Variants in SH3GL2 observed in about 807,000 individuals in gnomAD.
SH3GL2 encodes the protein endophilin-A1.
In SH3GL2, 24 loss-of-function variants were observed where a neutral mutation model predicts 46.0. That is an observed-to-expected ratio of 0.52 (90% CI 0.38 to 0.73). SH3GL2 has a LOEUF of 0.73. Ranked by LOEUF, SH3GL2 falls within the 30% of genes least tolerant of loss-of-function variation. The pLI is 0.00. For synonymous variants in SH3GL2, 196 were observed against 147.1 expected, an observed-to-expected ratio of 1.33 and a Z score of -2.40; for missense variants, 413 against 424.2, an observed-to-expected ratio of 0.97 and a Z score of 0.23.
At chr9:17,745,396 C>T (rs1021743746) in intron 1 of SH3GL2, among the ~76,000 whole-genome samples, 1 of 152,144 alleles carries the variant, frequency 6.6e-6, no homozygotes, top group African/African-American at 2.4e-5. Flanking sequence ...TTATTGTATA[C>T]CATGTAGGTT....
At chr9:17,745,587 C>G (rs903276964) in intron 1 of SH3GL2, among the ~76,000 whole-genome samples, 1 of 151,994 alleles carries the variant, frequency 6.6e-6, no homozygotes, top group Non-Finnish European at 1.5e-5. Context: ...TGATAGAATT[C>G]CAACTTGTGG....
chr9:17,672,241 G>T lies in SH3GL2; in HGVS notation c.46-74825G>T, dbSNP rs192889352. On this transcript the variant is annotated intron_variant, in intron 1 of 8. Coordinates refer to ENST00000380607, the MANE Select transcript of SH3GL2 (RefSeq NM_003026.5). ...TGTGGTTTGGCAATAGTTAAAATTGGGAGCAGGAAAGGAAAATTTTAGAAA... is the reference window on the plus strand; with the variant it reads ...TGTGGTTTGGCAATAGTTAAAATTGTGAGCAGGAAAGGAAAATTTTAGAAA... 1.6e-3 allele frequency among the ~76,000 whole-genome samples: 245 copies of T among 152,176 alleles called. 1 individual carries two copies. Among genetic ancestry groups the T allele is most frequent in the African/African-American group, 5.7e-3 (236 of 41,530 alleles).
At chr9:17,658,718 T>C (rs1459655700) in intron 1 of SH3GL2, among the ~76,000 whole-genome samples, 1 of 152,210 alleles carries the variant, frequency 6.6e-6, no homozygotes, top group African/African-American at 2.4e-5. Context: ...TACAGAGCTG[T>C]TGGAAATAAA....
chr9:17,642,321 C>T (rs970323528), intron 1 of SH3GL2, among the ~76,000 whole-genome samples: 2 of 152,154 alleles, frequency 1.3e-5, no homozygotes, highest in Non-Finnish European at 2.9e-5. Flanking sequence ...CCTGTTCACT[C>T]TGATGATAGT....
chr9:17,701,788 A>G (rs1379789850), intron 1 of SH3GL2, among the ~76,000 whole-genome samples: 1 of 152,022 alleles, frequency 6.6e-6, no homozygotes, highest in Admixed American at 6.6e-5. Flanking sequence ...CACATGTATG[A>G]TTTTTCCTAG....
At chr9:17,611,068 CAG>C (rs1818855711) in intron 1 of SH3GL2, among the ~76,000 whole-genome samples, 1 of 152,114 alleles carries the variant, frequency 6.6e-6, no homozygotes, top group African/African-American at 2.4e-5. Context: ...TTCATTGTGA[CAG>C]ATTTTGTTTC....
chr9:17,602,780 CA>C (rs1818694802), intron 1 of SH3GL2, among the ~76,000 whole-genome samples: 1 of 92,976 alleles, frequency 1.1e-5, no homozygotes, highest in African/African-American at 2.6e-5. Context: ...GTGAGAATAA[CA>C]AGGACTTCTA....
chr9:17,620,911 AGTC>A (rs1819123307), intron 1 of SH3GL2, among the ~76,000 whole-genome samples: 1 of 152,140 alleles, frequency 6.6e-6, no homozygotes, highest in Non-Finnish European at 1.5e-5. Context: ...AAATATTTGG[AGTC>A]AGTAGCTTTG....
intron 3 of SH3GL2, among the ~76,000 whole-genome samples, chr9:17,782,615 CTA>C (rs1823842711): frequency 6.6e-6 from 1 of 152,116 alleles, no homozygotes; most frequent in African/African-American, 2.4e-5. Context: ...TCAAACCATC[CTA>C]TGAGACCACA....
chr9:17,742,150 C>T (rs915597339), intron 1 of SH3GL2, among the ~76,000 whole-genome samples: 2 of 152,034 alleles, frequency 1.3e-5, no homozygotes, highest in Non-Finnish European at 2.9e-5. Flanking sequence ...ACTGATGATG[C>T]GGTTTTCAAG....
chr9:17,761,417 C>T lies in SH3GL2; in HGVS notation c.115-20C>T. 1 of 1,521,022 alleles carries T rather than the reference C, an allele frequency of 6.6e-7. No homozygotes were observed. The highest frequency in any genetic ancestry group is 9.1e-7 in the Non-Finnish European group (1 of 1,094,842). 94.2% of individuals were successfully genotyped at this position (1,521,022 alleles called of 1,614,324 possible). A position where few individuals can be genotyped will look rare whatever the true frequency, so the allele number is the denominator to read the frequency against. On this transcript the variant is annotated intron_variant, in intron 2 of 8. Transcript: ENST00000380607. The stretch of plus-strand genomic sequence containing the variant: ...AGCTCATCATTTTTGTCATTTAGAG[C>T]ACTTATTTTCTCATTTCAGAAAGTG...
At chr9:17,699,418 A>G (rs1051978398) in intron 1 of SH3GL2, among the ~76,000 whole-genome samples, 1 of 152,154 alleles carries the variant, frequency 6.6e-6, no homozygotes, top group Non-Finnish European at 1.5e-5. Context: ...AGGAATTTCA[A>G]TATCACCCTC....
intron 1 of SH3GL2, among the ~76,000 whole-genome samples, chr9:17,698,039 T>C (rs898861952): frequency 6.6e-6 from 1 of 152,232 alleles, no homozygotes; most frequent in Non-Finnish European, 1.5e-5. Context: ...GCTAGTCTTT[T>C]AGGATTTTGG....
At chr9:17,794,117 A>G (rs977111674) in intron 8 of SH3GL2, among the ~76,000 whole-genome samples, 2 of 152,192 alleles carry the variant, frequency 1.3e-5, no homozygotes, top group Admixed American at 1.3e-4. Context: ...GCTAGATGAC[A>G]TTTTATCTCA....
At chr9:17,747,885 G>A (rs931068165) in intron 2 of SH3GL2, among the ~76,000 whole-genome samples, 6 of 151,930 alleles carry the variant, frequency 3.9e-5, no homozygotes, top group Non-Finnish European at 2.9e-5. Context: ...TGCTGGCCAG[G>A]CTGGTCTCGA....
intron 3 of SH3GL2, among the ~76,000 whole-genome samples, chr9:17,783,915 T>C (rs1823882496): frequency 6.6e-6 from 1 of 152,124 alleles, no homozygotes. Context: ...TGCTTTAAAT[T>C]TGTATTTTCC....
At chr9:17,740,906 C>G (rs1020668535) in intron 1 of SH3GL2, among the ~76,000 whole-genome samples, 1 of 152,030 alleles carries the variant, frequency 6.6e-6, no homozygotes, top group African/African-American at 2.4e-5. Context: ...ATTGAGGCAG[C>G]AAGAGTTTAG....
chr9:17,611,749 T>C (rs1347002790), intron 1 of SH3GL2, among the ~76,000 whole-genome samples: 2 of 152,214 alleles, frequency 1.3e-5, no homozygotes, highest in African/African-American at 2.4e-5. Flanking sequence ...CTACACCCCG[T>C]CAGGAGGAGA....
At chr9:17,676,552 G>T (rs1256717032) in intron 1 of SH3GL2, among the ~76,000 whole-genome samples, 3 of 152,186 alleles carry the variant, frequency 2.0e-5, no homozygotes, top group Non-Finnish European at 4.4e-5. Flanking sequence ...GTTGCAATGA[G>T]CTGAGATTGC....
Sources: allele counts gnomAD v4.1 joint callset (sites outside exome capture counted in the v4.1 genomes callset), GRCh38; gene constraint gnomAD v4.1.1; transcripts MANE v1.5; gene names NCBI Gene and HGNC (gene_info 2026-07-23, HGNC 2026-07-21).